Variants in S100Z observed in about 807,000 individuals in gnomAD.
S100Z encodes S100 calcium binding protein Z.
In S100Z, 11 loss-of-function variants were observed where a neutral mutation model predicts 8.5. That is an observed-to-expected ratio of 1.30 (90% CI 0.82 to 2.15). The LOEUF (loss-of-function observed/expected upper bound fraction) is 2.15, where lower values mean the gene tolerates loss of function less well. S100Z is among the 30% of genes most tolerant of loss of function. The probability of loss-of-function intolerance (pLI) is 0.00; values close to 1 mark genes in which losing one functional copy is unlikely to be tolerated. For synonymous variants in S100Z, 34 were observed against 43.8 expected, an observed-to-expected ratio of 0.78 and a Z score of 0.89; for missense variants, 126 against 117.9, an observed-to-expected ratio of 1.07 and a Z score of -0.32.
chr5:76,904,473 G>T (rs933710716), intron 4 of S100Z, among the ~76,000 whole-genome samples: 1 of 151,906 alleles, frequency 6.6e-6, no homozygotes, highest in African/African-American at 2.4e-5. Flanking sequence ...TAGAGATGGG[G>T]TTTCGCCACG....
At chr5:76,887,395 CTTTTT>C (rs70982657) in intron 4 of S100Z, among the ~76,000 whole-genome samples, 7 of 74,692 alleles carry the variant, frequency 9.4e-5, no homozygotes, top group Non-Finnish European at 1.4e-4. Flanking sequence ...CTGTGCCAGG[CTTTTT>C]TTTTTTTTTT....
At chr5:76,869,514 C>T (rs1742926043) in intron 1 of S100Z, among the ~76,000 whole-genome samples, 2 of 152,306 alleles carry the variant, frequency 1.3e-5, no homozygotes, top group South Asian at 2.1e-4. Flanking sequence ...GGTCAGTTTG[C>T]AGGCAGGGCC....
chr5:76,927,153 T>C, the S100Z span, among the ~76,000 whole-genome samples: 41 of 152,324 alleles, frequency 2.7e-4, no homozygotes, highest in African/African-American at 9.6e-4. Context: ...TGGAAATAAT[T>C]GTTGTTCAGG....
intron 3 of S100Z, among the ~76,000 whole-genome samples, chr5:76,876,166 A>C (rs982691536): frequency 6.6e-6 from 1 of 152,230 alleles, no homozygotes; most frequent in African/African-American, 2.4e-5. Context: ...TTTTTAGCAC[A>C]ATATGCTACC....
At position 76,869,980 on chromosome 5, in the gene S100Z, G is replaced by A. The variant is rs190969445; in HGVS notation, c.-175-186G>A. Reference sequence around the variant, plus strand: ...AGAGGTTGCAGTGAGCTGAGATCCTGTCACTGCACTTCAGCCTGGGTGACA... The same window carrying A: ...AGAGGTTGCAGTGAGCTGAGATCCTATCACTGCACTTCAGCCTGGGTGACA... On this transcript the variant is annotated intron_variant, in intron 1 of 4. Coordinates refer to ENST00000317593, the MANE Select transcript of S100Z (RefSeq NM_130772.4). Among the ~76,000 whole-genome samples the A allele has an allele frequency of 7.9e-4, 120 of 151,582 alleles. 2 individuals carry two copies. In the Middle Eastern group the frequency reaches 0.017, roughly 21 times the overall value.
chr5:76,938,856 T>C, the S100Z span, among the ~76,000 whole-genome samples: 6 of 152,240 alleles, frequency 3.9e-5, no homozygotes, highest in South Asian at 1.2e-3. Context: ...ATCCCTTTAT[T>C]TGCTCATCAT....
intron 1 of S100Z, among the ~76,000 whole-genome samples, chr5:76,861,627 C>G (rs1019715683): frequency 2.2e-4 from 34 of 152,220 alleles, no homozygotes; most frequent in Non-Finnish European, 2.9e-5. Flanking sequence ...GCGTGAGCCA[C>G]TGTGCCCGGC....
the S100Z span, among the ~76,000 whole-genome samples, chr5:76,946,473 T>A: frequency 6.6e-6 from 1 of 152,212 alleles, no homozygotes; most frequent in Admixed American, 6.5e-5. Flanking sequence ...TATATTATGG[T>A]GCATAATCTT....
the S100Z span, among the ~76,000 whole-genome samples, chr5:76,930,534 T>A: frequency 6.6e-6 from 1 of 152,206 alleles, no homozygotes. Flanking sequence ...AAGGTTTGGT[T>A]GCTTAGGGCA....
At chr5:76,906,970 GTGTGTGTATATATATA>G (rs1232532212) in intron 4 of S100Z, among the ~76,000 whole-genome samples, 9 of 26,088 alleles carry the variant, frequency 3.4e-4, no homozygotes, top group African/African-American at 2.0e-3. Context: ...ATTCCATTGT[GTGTGTGTATATATATA>G]TATATATATA....
At chr5:76,929,023 C>T in the S100Z span, among the ~76,000 whole-genome samples, 2 of 152,238 alleles carry the variant, frequency 1.3e-5, no homozygotes, top group Non-Finnish European at 2.9e-5. Context: ...GGATTATAGG[C>T]GTGAGCCTCT....
chr5:76,926,729 G>C, the S100Z span, among the ~76,000 whole-genome samples: 1 of 152,202 alleles, frequency 6.6e-6, no homozygotes, highest in Non-Finnish European at 1.5e-5. Flanking sequence ...GAACAGGCTC[G>C]TGAAGCCCAG....
chr5:76,874,143 AC>A (rs1410948618), intron 2 of S100Z, among the ~76,000 whole-genome samples: 4 of 150,280 alleles, frequency 2.7e-5, no homozygotes, highest in Non-Finnish European at 4.4e-5. Context: ...TCTTTTTTAC[AC>A]AGTTGGGAGC....
chr5:76,947,210 T>C, the S100Z span, among the ~76,000 whole-genome samples: 1 of 144,194 alleles, frequency 6.9e-6, no homozygotes, highest in African/African-American at 2.5e-5. Context: ...GGCCCCCCCA[T>C]GTATTCTGGA....
At chr5:76,879,520 A>T (rs1743318508) in intron 4 of S100Z, among the ~76,000 whole-genome samples, 1 of 152,200 alleles carries the variant, frequency 6.6e-6, no homozygotes, top group Admixed American at 6.5e-5. Flanking sequence ...AGCTCTGTTT[A>T]AGGTGGTATT....
intron 1 of S100Z, among the ~76,000 whole-genome samples, chr5:76,866,325 T>C (rs1276740180): frequency 6.6e-6 from 1 of 152,136 alleles, no homozygotes; most frequent in African/African-American, 2.4e-5. Context: ...GCTCAAATGA[T>C]CTGCCTGCCT....
intron 4 of S100Z, among the ~76,000 whole-genome samples, chr5:76,903,002 A>C (rs190581453): frequency 6.6e-6 from 1 of 152,152 alleles, no homozygotes; most frequent in East Asian, 1.9e-4. Flanking sequence ...CCTGGCCAAC[A>C]TGGCGAAACC....
At chr5:76,907,723 T>G (rs540484812) in intron 4 of S100Z, among the ~76,000 whole-genome samples, 23 of 152,334 alleles carry the variant, frequency 1.5e-4, no homozygotes, top group Middle Eastern at 3.4e-3. Context: ...CTTATAGTGG[T>G]TGCCAAGTAG....
At chr5:76,867,861 C>T (rs1382738908) in intron 1 of S100Z, among the ~76,000 whole-genome samples, 3 of 152,162 alleles carry the variant, frequency 2.0e-5, no homozygotes, top group Admixed American at 6.5e-5. Context: ...GGATTACAGG[C>T]GTGAGCCACT....
Sources: allele counts gnomAD v4.1 joint callset (sites outside exome capture counted in the v4.1 genomes callset), GRCh38; gene constraint gnomAD v4.1.1; transcripts MANE v1.5; gene names NCBI Gene and HGNC (gene_info 2026-07-23, HGNC 2026-07-21).